RALYL: variants seen among roughly 807,000 people sequenced by gnomAD.
RALYL encodes the protein RALY RNA binding protein like.
A neutral mutation model predicts 35.1 loss-of-function variants in RALYL; 29 were observed. That is an observed-to-expected ratio of 0.83 (90% confidence interval 0.61 to 1.13). The LOEUF is 1.13. Ranked by LOEUF, RALYL falls within the 50% of genes most tolerant of loss-of-function variation. The probability of loss-of-function intolerance (pLI) is 0.00; values close to 1 mark genes in which losing one functional copy is unlikely to be tolerated. For missense variants in RALYL, 359 were observed against 360.4 expected (o/e 1.00, Z 0.03); for synonymous variants, 120 against 127.6 (o/e 0.94, Z 0.40).
At chr8:84,440,683 A>G (rs1046654568) in intron 1 of RALYL, among the ~76,000 whole-genome samples, 1 of 151,974 alleles carries the variant, frequency 6.6e-6, no homozygotes, top group African/African-American at 2.4e-5. Flanking sequence ...TGTTCCACAT[A>G]TTAATATTAT....
chr8:84,299,167 T>G (rs1840312371), intron 1 of RALYL, among the ~76,000 whole-genome samples: 1 of 152,008 alleles, frequency 6.6e-6, no homozygotes, highest in South Asian at 2.1e-4. Flanking sequence ...TTTTCCTCAT[T>G]TAGTATGATG....
chr8:84,683,286 T>C (rs1836001276), intron 2 of RALYL, among the ~76,000 whole-genome samples: 1 of 152,192 alleles, frequency 6.6e-6, no homozygotes, highest in Middle Eastern at 3.4e-3. Context: ...TTGGAATAGG[T>C]GTGGTGTGGT....
chr8:84,398,749 C>T (rs958707702), intron 1 of RALYL, among the ~76,000 whole-genome samples: 7 of 152,032 alleles, frequency 4.6e-5, no homozygotes, highest in African/African-American at 1.7e-4. Flanking sequence ...CAAAGCGGGT[C>T]GATCACCTGA....
chr8:84,550,486 G>A (rs114610883), intron 2 of RALYL, among the ~76,000 whole-genome samples: 4,409 of 151,946 alleles, frequency 0.029, 106 homozygotes, highest in Middle Eastern at 0.078. Context: ...GTTCTAGACT[G>A]CAAATAGTAC....
intron 1 of RALYL, among the ~76,000 whole-genome samples, chr8:84,197,099 A>G (rs1466330371): frequency 6.6e-6 from 1 of 152,234 alleles, no homozygotes; most frequent in Non-Finnish European, 1.5e-5. Flanking sequence ...CATTATTTTA[A>G]AAACAGAATG....
intron 1 of RALYL, among the ~76,000 whole-genome samples, chr8:84,261,553 A>T (rs185602996): frequency 6.6e-6 from 1 of 152,296 alleles, no homozygotes; most frequent in Non-Finnish European, 1.5e-5. Context: ...ACCGTGAGTC[A>T]ATTAAACCTC....
chr8:84,233,917 A>T (rs960723153), intron 1 of RALYL, among the ~76,000 whole-genome samples: 2 of 152,064 alleles, frequency 1.3e-5, no homozygotes, highest in Non-Finnish European at 2.9e-5. Context: ...CTTACTTCAG[A>T]TGAAAACTGT....
intron 1 of RALYL, among the ~76,000 whole-genome samples, chr8:84,208,344 G>A (rs1256968371): frequency 6.6e-6 from 1 of 152,118 alleles, no homozygotes; most frequent in Non-Finnish European, 1.5e-5. Context: ...TATATCGGAT[G>A]TACTGGCAGA....
intron 1 of RALYL, among the ~76,000 whole-genome samples, chr8:84,250,170 T>C (rs16912613): frequency 0.03 from 4,522 of 152,128 alleles, 97 homozygotes; most frequent in East Asian, 0.12. Context: ...TCAAAAAATT[T>C]ATTATGGCCG....
At chr8:84,652,046 A>G (rs1246085142) in intron 2 of RALYL, among the ~76,000 whole-genome samples, 1 of 152,078 alleles carries the variant, frequency 6.6e-6, no homozygotes, top group Non-Finnish European at 1.5e-5. Flanking sequence ...CCAAAGGCCT[A>G]AAATGTCTCA....
At chr8:84,779,448 G>A (rs1308544114) in intron 3 of RALYL, among the ~76,000 whole-genome samples, 1 of 152,070 alleles carries the variant, frequency 6.6e-6, no homozygotes, top group Non-Finnish European at 1.5e-5. Flanking sequence ...AACTCAGTAA[G>A]ACATGTAGTA....
intron 8 of RALYL, among the ~76,000 whole-genome samples, chr8:84,918,245 G>A (rs1389097556): frequency 6.6e-6 from 1 of 151,996 alleles, no homozygotes; most frequent in African/African-American, 2.4e-5. Context: ...GATTTTCTGG[G>A]CAGAGTGTAA....
chr8:84,826,829 C>T (rs1829833959), intron 4 of RALYL, among the ~76,000 whole-genome samples: 2 of 151,794 alleles, frequency 1.3e-5, no homozygotes, highest in Non-Finnish European at 2.9e-5. Flanking sequence ...ATGCCTTGCC[C>T]CGAAATATAA....
chr8:84,226,156 G>A (rs2083072), intron 1 of RALYL, among the ~76,000 whole-genome samples: 57,570 of 151,892 alleles, frequency 0.38, 11,142 homozygotes, highest in Non-Finnish European at 0.43. Flanking sequence ...TCATAGGAGC[G>A]TGAACCCTAT....
At chr8:84,241,173 C>T (rs1827781266) in intron 1 of RALYL, among the ~76,000 whole-genome samples, 1 of 152,196 alleles carries the variant, frequency 6.6e-6, no homozygotes, top group African/African-American at 2.4e-5. Flanking sequence ...AGTACCTCCC[C>T]TCCATATATT....
intron 1 of RALYL, among the ~76,000 whole-genome samples, chr8:84,312,700 C>T (rs568411422): frequency 6.6e-6 from 1 of 152,336 alleles, no homozygotes; most frequent in African/African-American, 2.4e-5. Flanking sequence ...GCTCCCATGG[C>T]CTTGGGCAGG....
At chr8:84,617,392 T>A (rs1391644853) in intron 2 of RALYL, among the ~76,000 whole-genome samples, 1 of 149,264 alleles carries the variant, frequency 6.7e-6, no homozygotes, top group African/African-American at 2.5e-5. Context: ...GGCTCTCTGT[T>A]TGTCTGTTGT....
At chr8:84,285,887 G>C (rs755319819) in intron 1 of RALYL, among the ~76,000 whole-genome samples, 1 of 152,130 alleles carries the variant, frequency 6.6e-6, no homozygotes, top group African/African-American at 2.4e-5. Flanking sequence ...TTGAGTAGAG[G>C]AATAACATGA....
intron 1 of RALYL, among the ~76,000 whole-genome samples, chr8:84,348,370 T>C (rs2131015312): frequency 6.6e-6 from 1 of 152,226 alleles, no homozygotes; most frequent in East Asian, 1.9e-4. Flanking sequence ...GCATGCACTT[T>C]TTCTGTATTT....
Sources: gnomAD v4.1 joint callset for allele counts (sites outside exome capture counted in the v4.1 genomes callset) on GRCh38, gnomAD v4.1.1 for gene constraint, MANE v1.5 for transcripts, NCBI Gene and HGNC (gene_info 2026-07-23, HGNC 2026-07-21) for gene names.